ECPAS: variants seen among roughly 807,000 people sequenced by gnomAD.
The protein encoded by ECPAS is Ecm29 proteasome adaptor and scaffold.
ECPAS carries 70 observed loss-of-function variants against 255.1 expected under a neutral mutation model. That is an observed-to-expected ratio of 0.27 (90% CI 0.23 to 0.33). ECPAS has a LOEUF of 0.33. Ranked by LOEUF, ECPAS falls within the 10% of genes least tolerant of loss-of-function variation. The probability of loss-of-function intolerance (pLI) is 1.00; values close to 1 mark genes in which losing one functional copy is unlikely to be tolerated. For missense variants in ECPAS, 1,817 were observed against 2,206.4 expected, an observed-to-expected ratio of 0.82 and a Z score of 3.54; for synonymous variants, 784 against 775.0, an observed-to-expected ratio of 1.01 and a Z score of -0.19.
chr9:111,457,133 T>C (rs1391423952), intron 2 of ECPAS, among the ~76,000 whole-genome samples: 1 of 152,102 alleles, frequency 6.6e-6, no homozygotes, highest in African/African-American at 2.4e-5. Flanking sequence ...AATTCAGCAA[T>C]AGAGTTCACA....
At position 111,428,171 on chromosome 9, in the gene ECPAS, A is replaced by G. The variant is rs752519864; in HGVS notation, c.931-10T>C. 78 of 1,604,300 alleles carry G rather than the reference A, an allele frequency of 4.9e-5. No homozygotes were observed. Among genetic ancestry groups the G allele is most frequent in the Non-Finnish European group, 6.1e-5 (72 of 1,176,250 alleles). ...GCTTCAGAACTGCACCCTGTTGAAA[A>G]TATGCTTGATTATAACTCAGCAATT... On this transcript the variant is annotated splice_polypyrimidine_tract_variant and intron_variant, in intron 9 of 49. Transcript: ENST00000684092.
At chr9:111,378,777 A>G (rs2098136682) in intron 35 of ECPAS, 47 bp from the exon 36 acceptor site, 2 of 1,548,906 alleles carry the variant, frequency 1.3e-6, no homozygotes, top group South Asian at 1.2e-5. Context: ...AACAAAAGTG[A>G]GAAGACCTAC....
intron 29 of ECPAS, among the ~76,000 whole-genome samples, chr9:111,391,470 G>C (rs752779819): frequency 3.5e-4 from 53 of 151,932 alleles, no homozygotes; most frequent in Non-Finnish European, 5.7e-4. Flanking sequence ...TCAGTTACCT[G>C]GGAAGCTGAG....
At position 111,381,385 on chromosome 9, in the gene ECPAS, C is replaced by T. The variant is rs115096369; in HGVS notation, c.3803+1826G>A. ...CCATCTTAAATGGGTGTAGTTCATA[C>T]AACTCCAAAACAATTACAAAATAAC... On this transcript the variant is annotated intron_variant, in intron 35 of 49. Coordinates refer to ENST00000684092, the MANE Select transcript of ECPAS (RefSeq NM_001364929.1). Among the ~76,000 whole-genome samples the T allele has an allele frequency of 2.3e-3, 356 of 152,288 alleles. 4 individuals are homozygous for T. Among genetic ancestry groups the T allele is most frequent in the African/African-American group, 8.4e-3 (349 of 41,558 alleles).
intron 2 of ECPAS, among the ~76,000 whole-genome samples, chr9:111,457,737 T>C (rs532703070): frequency 6.8e-4 from 103 of 152,208 alleles, no homozygotes; most frequent in Non-Finnish European, 1.3e-3. Context: ...GTGAAGAAAG[T>C]GTAAAGGACC....
intron 2 of ECPAS, among the ~76,000 whole-genome samples, chr9:111,472,274 C>T (rs1177989185): frequency 3.3e-5 from 5 of 151,874 alleles, no homozygotes; most frequent in Admixed American, 3.3e-4. Context: ...ATTTAAAAAA[C>T]AAAAACCTCC....
At chr9:111,385,308 A>C in intron 33 of ECPAS, 29 bp downstream of exon 33, 1 of 1,036,236 alleles carries the variant, frequency 9.7e-7, no homozygotes, top group South Asian at 1.5e-5. Flanking sequence ...CTTTTTGTAT[A>C]TATAAATGCT....
Position 111,444,345 on chromosome 9 carries a change from G to GT in ECPAS, c.270+32dup, listed in dbSNP as rs763341604. 3 of 1,473,684 alleles carry GT rather than the reference G, an allele frequency of 2.0e-6. No individual in the cohort carries two copies. The South Asian group carries it at 3.6e-5, about 18-fold the overall frequency. 91.3% of individuals were successfully genotyped at this position (1,473,684 alleles called of 1,614,324 possible). A position where few individuals can be genotyped will look rare whatever the true frequency, so the allele number is the denominator to read the frequency against. On this transcript the variant is annotated intron_variant, in intron 4 of 49. Transcript: ENST00000684092. ...TAAATGTTAGGAAAGAAAATTTGCT[G>GT]TAAGTCAGAAAATATTCCAATACAA...
At position 111,378,576 on chromosome 9, in the gene ECPAS, T is replaced by C. The variant is rs2098136371; in HGVS notation, c.3954+4A>G. ...TTACCAATATGCCTGCGCTATCCAC[T>C]CACCTTTTCTTGCTCTGTCGCCCGG... On this transcript the variant is annotated splice_donor_region_variant and intron_variant, in intron 36 of 49. Coordinates refer to ENST00000684092, the MANE Select transcript of ECPAS (RefSeq NM_001364929.1). The C allele has an allele frequency of 1.2e-6, 2 of 1,612,222 alleles. No homozygotes were observed. Among genetic ancestry groups the C allele is most frequent in the South Asian group, 1.1e-5 (1 of 90,924 alleles).
chr9:111,392,056 T>C (rs930973667), intron 28 of ECPAS, among the ~76,000 whole-genome samples: 1 of 152,082 alleles, frequency 6.6e-6, no homozygotes, highest in Non-Finnish European at 1.5e-5. Flanking sequence ...CTGACTAACA[T>C]GGTGAAACGC....
intron 20 of ECPAS, 101 bp downstream of exon 20, chr9:111,413,794 G>A (rs912336617): frequency 1.3e-5 from 8 of 619,390 alleles, no homozygotes; most frequent in Non-Finnish European, 2.1e-5. Flanking sequence ...ACGACCTAAA[G>A]GCAGAAAAGG....
At chr9:111,442,693 T>A (rs1384050601) in intron 4 of ECPAS, among the ~76,000 whole-genome samples, 1 of 152,172 alleles carries the variant, frequency 6.6e-6, no homozygotes, top group Non-Finnish European at 1.5e-5. Flanking sequence ...CAATTTCTTA[T>A]CATGAAGAAG....
chr9:111,396,976 G>C (rs754077177), intron 25 of ECPAS, 54 bp downstream of exon 25: 9 of 1,607,750 alleles, frequency 5.6e-6, no homozygotes, highest in Admixed American at 3.3e-5. Context: ...GTGATAAAGA[G>C]AACAAAAAAA....
At chr9:111,395,909 T>C (rs1277216754) in intron 25 of ECPAS, among the ~76,000 whole-genome samples, 1 of 152,198 alleles carries the variant, frequency 6.6e-6, no homozygotes, top group Non-Finnish European at 1.5e-5. Flanking sequence ...AAGAACTGAC[T>C]CTGATTCAGC....
chr9:111,443,448 A>C (rs781457356), intron 4 of ECPAS, among the ~76,000 whole-genome samples: 2 of 152,106 alleles, frequency 1.3e-5, no homozygotes, highest in African/African-American at 2.4e-5. Flanking sequence ...ATGGGGTTTC[A>C]CTATGATGGC....
chr9:111,377,476 T>A (rs2098134680), intron 36 of ECPAS, among the ~76,000 whole-genome samples: 1 of 152,058 alleles, frequency 6.6e-6, no homozygotes, highest in Non-Finnish European at 1.5e-5. Flanking sequence ...GTGCCAAAGG[T>A]ACGGAGAAAA....
intron 24 of ECPAS, among the ~76,000 whole-genome samples, chr9:111,399,606 G>A (rs57573809): frequency 0.063 from 9,634 of 152,276 alleles, 436 homozygotes; most frequent in East Asian, 0.19. Context: ...GACTAAAATG[G>A]CCTCAGGCCC....
rs923061922 is a variant in ECPAS at position 111,453,022 on chromosome 9, T to C, written c.23-1467A>G. 3.9e-5 allele frequency among the ~76,000 whole-genome samples: 6 copies of C among 151,988 alleles called. No individual in the cohort carries two copies. The East Asian group carries it at 5.8e-4, about 15-fold the overall frequency. Reference sequence around the variant, plus strand: ...ACTTTGAGAGACCAAGGAGGGAGGATTGCTTGAGGCCAGGAGTTCAAGACC... The same window carrying C: ...ACTTTGAGAGACCAAGGAGGGAGGACTGCTTGAGGCCAGGAGTTCAAGACC... On this transcript the variant is annotated intron_variant, in intron 2 of 49. Coordinates refer to ENST00000684092, the MANE Select transcript of ECPAS (RefSeq NM_001364929.1).
intron 3 of ECPAS, among the ~76,000 whole-genome samples, chr9:111,446,093 T>C (rs1222724427): frequency 6.6e-6 from 1 of 152,210 alleles, no homozygotes; most frequent in African/African-American, 2.4e-5. Flanking sequence ...GACATTTGGG[T>C]TGGTTCCAAG....
Sources: allele counts gnomAD v4.1 joint callset (sites outside exome capture counted in the v4.1 genomes callset), GRCh38; gene constraint gnomAD v4.1.1; transcripts MANE v1.5; gene names NCBI Gene and HGNC (gene_info 2026-07-23, HGNC 2026-07-21).